Variants in ADAMTSL1 observed in about 807,000 individuals in gnomAD.
ADAMTSL1 encodes the protein ADAMTS-like protein 1.
Under a neutral mutation model 201.8 loss-of-function variants are expected in ADAMTSL1, and 126 were observed. The observed-to-expected ratio is 0.62, with a 90% confidence interval of 0.54 to 0.72. The LOEUF is 0.72. Ranked by LOEUF, ADAMTSL1 falls within the 30% of genes least tolerant of loss-of-function variation. The probability of loss-of-function intolerance (pLI) is 0.00; values close to 1 mark genes in which losing one functional copy is unlikely to be tolerated. For synonymous variants in ADAMTSL1, 1,121 were observed against 903.4 expected, an observed-to-expected ratio of 1.24 and a Z score of -4.32; for missense variants, 2,679 against 2,277.8, an observed-to-expected ratio of 1.18 and a Z score of -3.59.
At chr9:18,216,246 A>T (rs1035794149) in intron 2 of ADAMTSL1, among the ~76,000 whole-genome samples, 1 of 152,112 alleles carries the variant, frequency 6.6e-6, no homozygotes, top group Non-Finnish European at 1.5e-5. Context: ...ATACACCCCC[A>T]CCTGTGGGTG....
At chr9:18,516,844 G>A (rs755389975) in intron 2 of ADAMTSL1, among the ~76,000 whole-genome samples, 1 of 152,182 alleles carries the variant, frequency 6.6e-6, no homozygotes, top group Non-Finnish European at 1.5e-5. Flanking sequence ...CCATTTTGCT[G>A]TTAGATAGGA....
intron 2 of ADAMTSL1, among the ~76,000 whole-genome samples, chr9:18,267,565 GA>G (rs1197640270): frequency 6.6e-6 from 1 of 152,082 alleles, no homozygotes; most frequent in Non-Finnish European, 1.5e-5. Context: ...AGGGCTGCAG[GA>G]GTTCTTACTT....
intron 2 of ADAMTSL1, among the ~76,000 whole-genome samples, chr9:18,296,958 G>T (rs1833501636): frequency 6.6e-6 from 1 of 152,144 alleles, no homozygotes; most frequent in Non-Finnish European, 1.5e-5. Context: ...CTTTTTAAAA[G>T]AAAACATCCC....
intron 20 of ADAMTSL1, among the ~76,000 whole-genome samples, chr9:18,815,551 A>G (rs889674724): frequency 6.6e-5 from 10 of 151,298 alleles, no homozygotes; most frequent in Non-Finnish European, 1.3e-4. Context: ...ATACAAAAAA[A>G]AAAAATTCTA....
At chr9:18,857,287 A>T (rs1826919638) in intron 23 of ADAMTSL1, among the ~76,000 whole-genome samples, 2 of 152,212 alleles carry the variant, frequency 1.3e-5, no homozygotes, top group Non-Finnish European at 2.9e-5. Flanking sequence ...CAGTTATCCC[A>T]ATAATGTCTT....
At chr9:18,309,551 CAGAG>C (rs542897110) in intron 2 of ADAMTSL1, among the ~76,000 whole-genome samples, 3 of 152,046 alleles carry the variant, frequency 2.0e-5, no homozygotes, top group African/African-American at 7.2e-5. Context: ...AATAGACAAA[CAGAG>C]AGCCAAATCA....
intron 22 of ADAMTSL1, among the ~76,000 whole-genome samples, chr9:18,827,977 GTA>G (rs1399393363): frequency 6.6e-6 from 1 of 152,226 alleles, no homozygotes; most frequent in Non-Finnish European, 1.5e-5. Context: ...CTGCAAAAAT[GTA>G]GCTTAATTTT....
At chr9:18,063,573 T>A (rs1453249533) in intron 1 of ADAMTSL1, among the ~76,000 whole-genome samples, 1 of 152,244 alleles carries the variant, frequency 6.6e-6, no homozygotes, top group Non-Finnish European at 1.5e-5. Flanking sequence ...TTCTTTTCTG[T>A]TAGCGAAGCG....
chr9:18,273,853 A>G (rs1402884562), intron 2 of ADAMTSL1, among the ~76,000 whole-genome samples: 1 of 152,214 alleles, frequency 6.6e-6, no homozygotes, highest in African/African-American at 2.4e-5. Flanking sequence ...TTGAGTATCA[A>G]ATATCTACAT....
intron 23 of ADAMTSL1, among the ~76,000 whole-genome samples, chr9:18,880,014 T>C (rs1265390049): frequency 6.6e-6 from 1 of 152,234 alleles, no homozygotes; most frequent in Non-Finnish European, 1.5e-5. Context: ...GAAACCACTT[T>C]CTTTGCTCAT....
chr9:18,038,077 A>G (rs1190878800), intron 1 of ADAMTSL1, among the ~76,000 whole-genome samples: 2 of 152,208 alleles, frequency 1.3e-5, no homozygotes, highest in Non-Finnish European at 2.9e-5. Context: ...GACCAACAAG[A>G]TGCAGTATCC....
At chr9:18,852,028 C>T (rs921354399) in intron 23 of ADAMTSL1, among the ~76,000 whole-genome samples, 2 of 152,138 alleles carry the variant, frequency 1.3e-5, no homozygotes, top group African/African-American at 2.4e-5. Flanking sequence ...CTAATGGTTG[C>T]GTGACATTGC....
intron 2 of ADAMTSL1, among the ~76,000 whole-genome samples, chr9:18,189,984 C>G (rs1235353974): frequency 6.6e-6 from 1 of 152,052 alleles, no homozygotes; most frequent in East Asian, 1.9e-4. Flanking sequence ...GCAGTTTGCC[C>G]AATTAAAGGT....
At chr9:18,260,898 C>G (rs891884039) in intron 2 of ADAMTSL1, among the ~76,000 whole-genome samples, 1 of 151,878 alleles carries the variant, frequency 6.6e-6, no homozygotes, top group Non-Finnish European at 1.5e-5. Context: ...TTAAAACACT[C>G]TTCTTTTTTT....
At chr9:18,352,631 G>A (rs1022977516) in intron 2 of ADAMTSL1, among the ~76,000 whole-genome samples, 31 of 152,180 alleles carry the variant, frequency 2.0e-4, no homozygotes, top group Admixed American at 1.4e-3. Context: ...CTTTATTAAC[G>A]TATTACTCTA....
At chr9:18,232,789 T>C (rs546667640) in intron 2 of ADAMTSL1, among the ~76,000 whole-genome samples, 1 of 152,324 alleles carries the variant, frequency 6.6e-6, no homozygotes, top group Admixed American at 6.5e-5. Context: ...CACCTTTATA[T>C]AGAAAAGTAG....
chr9:18,286,583 T>G (rs1833002617), intron 2 of ADAMTSL1, among the ~76,000 whole-genome samples: 1 of 120,194 alleles, frequency 8.3e-6, no homozygotes, highest in Non-Finnish European at 1.9e-5. Flanking sequence ...TTTTCAGATA[T>G]AATCATTTTA....
At chr9:18,839,221 C>T (rs1454656362) in intron 23 of ADAMTSL1, among the ~76,000 whole-genome samples, 1 of 136,028 alleles carries the variant, frequency 7.4e-6, no homozygotes, top group Non-Finnish European at 1.5e-5. Context: ...GTGTAATGTT[C>T]CCCTTCCTGT....
intron 2 of ADAMTSL1, among the ~76,000 whole-genome samples, chr9:18,410,265 G>C (rs1005787448): frequency 2.0e-5 from 3 of 151,370 alleles, no homozygotes; most frequent in Admixed American, 6.6e-5. Context: ...TTGTTACATA[G>C]GTAAACGTGT....
Sources: gnomAD v4.1 joint callset for allele counts (sites outside exome capture counted in the v4.1 genomes callset) on GRCh38, gnomAD v4.1.1 for gene constraint, MANE v1.5 for transcripts, NCBI Gene and HGNC (gene_info 2026-07-23, HGNC 2026-07-21) for gene names.